Variants in ARHGEF1 observed in about 807,000 individuals in gnomAD.
ARHGEF1 encodes Rho guanine nucleotide exchange factor 1.
In ARHGEF1, 40 loss-of-function variants were observed where a neutral mutation model predicts 119.7. That is an observed-to-expected ratio of 0.33 (90% CI 0.26 to 0.44). The LOEUF (loss-of-function observed/expected upper bound fraction) is 0.44. Ranked by LOEUF, ARHGEF1 falls within the 20% of genes least tolerant of loss-of-function variation. ARHGEF1 has a pLI of 1.00. For missense variants in ARHGEF1, 976 were observed against 1,268.3 expected (o/e 0.77, Z 3.50); for synonymous variants, 494 against 521.0 (o/e 0.95, Z 0.71).
chr19:41,912,892 G>T, intron 18 of ARHGEF1: 1 of 1,231,682 alleles, frequency 8.1e-7, no homozygotes, highest in East Asian at 3.2e-5. Flanking sequence ...GGGGCGAAGA[G>T]AAGGTCGGAG....
At chr19:41,929,594 G>C (rs1324152950) in intron 2 of ARHGEF1, 1 of 139,664 alleles carries the variant, frequency 7.2e-6, no homozygotes, top group Non-Finnish European at 1.5e-5. Context: ...CCCTCACCCT[G>C]CCCTCTCTCC....
intron 11 of ARHGEF1, 72 bp from the exon 12 acceptor site, chr19:41,895,277 G>T: frequency 6.5e-7 from 1 of 1,531,512 alleles, no homozygotes; most frequent in Non-Finnish European, 8.8e-7. Context: ...ACAGCCTCTT[G>T]CATCCCCTGG....
intron 1 of ARHGEF1, among the ~76,000 whole-genome samples, chr19:41,884,942 A>G (rs2123341135): frequency 6.6e-6 from 1 of 152,234 alleles, no homozygotes; most frequent in Non-Finnish European, 1.5e-5. Context: ...TACACATTCC[A>G]ACGACTCTTT....
chr19:41,892,404 G>A lies in ARHGEF1; in HGVS notation c.367+31G>A, dbSNP rs782372731. Reference sequence around the variant, plus strand: ...GAGAAGGATGGGATGAGGGAGAGGTGTCTAGCGGGGACCACACCTCCCAGG... The same window carrying A: ...GAGAAGGATGGGATGAGGGAGAGGTATCTAGCGGGGACCACACCTCCCAGG... On this transcript the variant is annotated intron_variant, in intron 6 of 28. Transcript: ENST00000354532. The surrounding 1 kb of genome is among the most constrained non-coding windows in gnomAD (Gnocchi z 6.3). 2 of 1,613,806 alleles carry A rather than the reference G, an allele frequency of 1.2e-6. No individual in the cohort carries two copies. The highest frequency in any genetic ancestry group is 2.2e-5 in the East Asian group (1 of 44,880).
In ARHGEF1 at chr19:41,906,185, G is replaced by A. The variant is rs984993163; in HGVS notation, c.2491+160G>A. ...CTGCACCACTGTCCTGGGTGCCCAC[G>A]TCCCTCTTCTGCAGCCACCATCCCT... On this transcript the variant is annotated intron_variant, in intron 26 of 28. Coordinates refer to ENST00000354532, the MANE Select transcript of ARHGEF1 (RefSeq NM_004706.4). This position sits in a 1 kb window ranked among gnomAD's most constrained non-coding sequence, Gnocchi z 4.5. 8.5e-6 allele frequency: 6 copies of A among 707,590 alleles called. No homozygotes were observed. The highest frequency in any genetic ancestry group is 5.2e-5 in the Admixed American group (2 of 38,096). The allele number at this position is 707,590 out of a possible 1,614,324, so 43.8% of individuals were successfully genotyped here. A position where few individuals can be genotyped will look rare whatever the true frequency, so the allele number is the denominator to read the frequency against.
intron 13 of ARHGEF1, chr19:41,898,020 G>A (rs1599650897): frequency 2.2e-6 from 3 of 1,335,258 alleles, no homozygotes; most frequent in South Asian, 2.1e-5. Context: ...GGCAGCCTCG[G>A]GGCTAAGGGC....
chr19:41,896,810 T>C lies in ARHGEF1; in HGVS notation c.1121+328T>C, dbSNP rs1421070083. On this transcript the variant is annotated intron_variant, in intron 13 of 28. Transcript: ENST00000354532. Reference sequence around the variant, plus strand: ...TTTCCCCCTCCTCTCTCACCTCCCCTCTCCTCTCTCACCTCCCCCATCCTC... The same window carrying C: ...TTTCCCCCTCCTCTCTCACCTCCCCCCTCCTCTCTCACCTCCCCCATCCTC... The C allele has an allele frequency of 6.9e-3, 2,094 of 302,556 alleles. 36 individuals are homozygous for C. In the African/African-American group the frequency reaches 0.12, roughly 17 times the overall value. 18.7% of individuals were successfully genotyped at this position (302,556 alleles called of 1,614,324 possible).
At chr19:41,923,250 G>A in intron 1 of ARHGEF1, 1 of 449,940 alleles carries the variant, frequency 2.2e-6, no homozygotes, top group Non-Finnish European at 4.5e-6. Flanking sequence ...ATGACTCTAG[G>A]CCCCCGATAT....
At chr19:41,895,884 C>T (rs1219086163) in intron 12 of ARHGEF1, among the ~76,000 whole-genome samples, 2 of 152,216 alleles carry the variant, frequency 1.3e-5, no homozygotes, top group Non-Finnish European at 2.9e-5. Context: ...CTGCTGTGGC[C>T]TCAGGCCCTT....
In ARHGEF1 at chr19:41,894,454, A is replaced by T; in HGVS notation, c.748A>T (p.Met250Leu). ...SGRNFFRKKV[M>L]GNRRSDEPAK... ...CTTCCTCCCCGCCCTCTCACAGGTG[A>T]TGGGGAACCGGCGGTCGGACGAGCC... The change falls in exon 10 of 29, where the codon ATG (methionine) becomes TTG (leucine). Residue 250 changes from methionine to leucine, a missense_variant. Met to Leu is a conservative substitution (Grantham distance 15, BLOSUM62 2). Transcript: ENST00000354532. The T allele has an allele frequency of 6.4e-7, 1 of 1,559,670 alleles. No homozygotes were observed. The highest frequency in any genetic ancestry group is 8.7e-7 in the Non-Finnish European group (1 of 1,150,854).
rs137911544 is a variant in ARHGEF1 at position 41,916,417 on chromosome 19, T to TCACA, written c.1866-6664_1866-6661dup. Reference sequence around the variant, plus strand: ...AAGTCACACACCAACACTGTCACAGTCACACACACACACATCAGCATAGTC... The same window carrying TCACA: ...AAGTCACACACCAACACTGTCACAGTCACACACACACACACACATCAGCATAGTC... On this transcript the variant is annotated intron_variant, in intron 18 of 20. Coordinates refer to the ARHGEF1 transcript ENST00000599589. This position sits in a 1 kb window ranked among gnomAD's most constrained non-coding sequence, Gnocchi z 5.4. 6.6e-6 allele frequency among the ~76,000 whole-genome samples: 1 copy of TCACA among 151,094 alleles called. No homozygotes were observed. Among genetic ancestry groups the TCACA allele is most frequent in the Non-Finnish European group, 1.5e-5 (1 of 67,722 alleles).
chr19:41,913,383 C>G (rs577473197), intron 18 of ARHGEF1, among the ~76,000 whole-genome samples: 15 of 151,966 alleles, frequency 9.9e-5, no homozygotes, highest in Non-Finnish European at 2.1e-4. Context: ...CCCTCTGTCT[C>G]TCTCTCTGGC....
chr19:41,908,529 G>A (rs2145878989), downstream of ARHGEF1: 1 of 1,231,856 alleles, frequency 8.1e-7, no homozygotes, highest in African/African-American at 1.6e-5. The surrounding 1 kb of genome is among the most constrained non-coding windows in gnomAD (Gnocchi z 6.7). Context: ...ACTGGCCAGA[G>A]GGTTGGGGTA....
intron 18 of ARHGEF1, among the ~76,000 whole-genome samples, chr19:41,914,571 C>CTCCCTATGACTTTCTCCCCATCTCTGCTA: frequency 3.5e-5 from 1 of 28,248 alleles, no homozygotes; most frequent in Non-Finnish European, 7.8e-5. Context: ...CCATCTCTGT[C>CTCCCTATGACTTTCTCCCCATCTCTGCTA]TCCGTCTCTC....
At chr19:41,885,834 C>G (rs2074286382) in intron 1 of ARHGEF1, among the ~76,000 whole-genome samples, 1 of 152,096 alleles carries the variant, frequency 6.6e-6, no homozygotes, top group South Asian at 2.1e-4. Context: ...CTCACTGCAA[C>G]CTCTGCCTCC....
intron 14 of ARHGEF1, among the ~76,000 whole-genome samples, chr19:41,900,150 A>G (rs1288754684): frequency 6.6e-6 from 1 of 152,136 alleles, no homozygotes; most frequent in Non-Finnish European, 1.5e-5. Flanking sequence ...CCTGGCCAAC[A>G]TGGTGAAACC....
In ARHGEF1 at chr19:41,895,399, C is replaced by T. The variant is rs781882065; in HGVS notation, c.928C>T (p.Arg310Trp). 2.5e-5 allele frequency: 41 copies of T among 1,612,500 alleles called. 1 individual carries two copies. In the South Asian group the frequency reaches 2.7e-4, roughly 11 times the overall value. ...GAAGGGAGGCGTGGGGATGCCCTCT[C>T]GGGACCGGAATATCGGGGCTCCTGG... ...DRKGGVGMPS[R>W]DRNIGAPGQD... The change falls in exon 12 of 29, where the codon CGG becomes TGG. Residue 310 changes from arginine to tryptophan, a missense_variant. Transcript: ENST00000354532.
In ARHGEF1 at chr19:41,906,888, C is replaced by A; in HGVS notation, c.*17+85C>A. On this transcript the variant is annotated intron_variant, in intron 28 of 28. Coordinates refer to ENST00000354532, the MANE Select transcript of ARHGEF1 (RefSeq NM_004706.4). This position sits in a 1 kb window ranked among gnomAD's most constrained non-coding sequence, Gnocchi z 4.5. ...TCGCATCCCTACAGCCCCTTCTGTC[C>A]ATCTCCCTCTTTGTCTTTTCTGAAT... The A allele has an allele frequency of 2.7e-6, 3 of 1,109,950 alleles. No homozygotes were observed. Among genetic ancestry groups the A allele is most frequent in the Non-Finnish European group, 3.8e-6 (3 of 785,542 alleles). The allele number at this position is 1,109,950 out of a possible 1,614,324, so 68.8% of individuals were successfully genotyped here.
intron 13 of ARHGEF1, chr19:41,897,966 G>A (rs1555848237): frequency 3.0e-6 from 4 of 1,312,958 alleles, no homozygotes; most frequent in South Asian, 2.3e-5. Flanking sequence ...CGTCTGGGGC[G>A]CTCAGAGAGC....
Sources: allele counts gnomAD v4.1 joint callset (sites outside exome capture counted in the v4.1 genomes callset), GRCh38; gene constraint gnomAD v4.1.1; non-coding constraint Gnocchi (gnomAD v3.1); transcripts MANE v1.5; gene names NCBI Gene and HGNC (gene_info 2026-07-23, HGNC 2026-07-21).